Variants in SLC3A2 observed in about 807,000 individuals in gnomAD.
The protein encoded by SLC3A2 is solute carrier family 3 member 2.
Under a neutral mutation model 48.5 loss-of-function variants are expected in SLC3A2, and 32 were observed. That is an observed-to-expected ratio of 0.66 (90% CI 0.50 to 0.89). The LOEUF (loss-of-function observed/expected upper bound fraction) is 0.89. Among genes scored for constraint, SLC3A2 ranks in the 40% least tolerant of loss-of-function variants. SLC3A2 has a pLI of 0.00. For synonymous variants in SLC3A2, 277 were observed against 288.8 expected, an observed-to-expected ratio of 0.96 and a Z score of 0.41; for missense variants, 587 against 680.7, an observed-to-expected ratio of 0.86 and a Z score of 1.53.
upstream of SLC3A2, among the ~76,000 whole-genome samples, chr11:62,880,188 A>G (rs1417960225): frequency 6.6e-6 from 1 of 152,174 alleles, no homozygotes; most frequent in Non-Finnish European, 1.5e-5. Context: ...GTCTACCTCA[A>G]CCTTCCTGCC....
intron 3 of SLC3A2, chr11:62,883,830 A>G (rs2085672834): frequency 2.8e-6 from 1 of 361,394 alleles, no homozygotes; most frequent in African/African-American, 2.1e-5. Flanking sequence ...GAAAAGGAGA[A>G]TGGGGGTGAA....
At chr11:62,856,362 C>T (rs750330812) in exon 1 of SLC3A2, 15 of 1,612,164 alleles carry the variant, frequency 9.3e-6, no homozygotes, top group African/African-American at 1.3e-5. Flanking sequence ...TCCAGGGTCT[C>T]AGCGCGGGGG....
upstream of SLC3A2, among the ~76,000 whole-genome samples, chr11:62,879,515 T>G (rs1363211702): frequency 1.3e-5 from 2 of 152,238 alleles, no homozygotes; most frequent in African/African-American, 4.8e-5. Flanking sequence ...AGCACTGGTC[T>G]GAACCCACTT....
Position 62,867,421 on chromosome 11 carries a change from G to A in SLC3A2, c.112+11040G>A, listed in dbSNP as rs372067900. Among the ~76,000 whole-genome samples, 86 of 145,532 alleles carry A rather than the reference G, an allele frequency of 5.9e-4. 1 individual carries two copies. In the East Asian group the frequency reaches 0.016, roughly 28 times the overall value. On this transcript the variant is annotated intron_variant, in intron 1 of 9. Coordinates refer to the SLC3A2 transcript ENST00000377889. ...GCTCACTGCACTCTCCGCCTCCCGGGTTCAAGCTATTCTCCTGCTTCAGCC... is the reference window on the plus strand; with the variant it reads ...GCTCACTGCACTCTCCGCCTCCCGGATTCAAGCTATTCTCCTGCTTCAGCC...
At chr11:62,886,187 G>A (rs534179411) in intron 7 of SLC3A2, among the ~76,000 whole-genome samples, 9 of 152,114 alleles carry the variant, frequency 5.9e-5, no homozygotes, top group African/African-American at 9.7e-5. Flanking sequence ...CTACTGGGGA[G>A]GCTGAGGCAA....
At position 62,865,483 on chromosome 11, in the gene SLC3A2, G is replaced by A. The variant is rs140185324; in HGVS notation, c.112+9102G>A. Among the ~76,000 whole-genome samples the A allele has an allele frequency of 2.0e-5, 3 of 151,070 alleles. No homozygotes were observed. The East Asian group carries it at 5.9e-4, about 30-fold the overall frequency. On this transcript the variant is annotated intron_variant, in intron 1 of 9. Transcript: ENST00000377889. ...CAGGAGAGTCCCTTGAACCCTGGAG[G>A]TGGAGGATGTTGCAGTGAGCCTAGA...
chr11:62,876,882 G>A (rs116133114), upstream of SLC3A2: 2,327 of 1,037,170 alleles, frequency 2.2e-3, 37 homozygotes, highest in African/African-American at 0.038. Context: ...GATTACAGGT[G>A]AGCCACAGTG....
intron 1 of SLC3A2, among the ~76,000 whole-genome samples, chr11:62,869,023 C>T (rs1225742119): frequency 3.3e-5 from 5 of 151,848 alleles, no homozygotes; most frequent in East Asian, 2.0e-4. Context: ...CTCAGCCTCC[C>T]GAATAGCTGG....
chr11:62,866,746 T>A (rs575578152), intron 1 of SLC3A2, among the ~76,000 whole-genome samples: 78 of 152,276 alleles, frequency 5.1e-4, no homozygotes, highest in African/African-American at 1.9e-3. Context: ...TCCTCTAACA[T>A]CTCATCAGTT....
chr11:62,881,509 C>A lies in SLC3A2; in HGVS notation c.424+62C>A. The A allele has an allele frequency of 6.7e-7, 1 of 1,494,426 alleles. No individual in the cohort carries two copies. The highest frequency in any genetic ancestry group is 8.9e-7 in the Non-Finnish European group (1 of 1,125,298). 92.6% of individuals were successfully genotyped at this position (1,494,426 alleles called of 1,614,324 possible). The stretch of plus-strand genomic sequence containing the variant: ...TTGAATCTGGTGGCTTGCACCGACC[C>A]CCTCCCCTGTCCCCAGACGGATCTA... On this transcript the variant is annotated intron_variant, in intron 1 of 8. Transcript: ENST00000338663. This position sits in a 1 kb window ranked among gnomAD's most constrained non-coding sequence, Gnocchi z 4.0.
At chr11:62,861,789 C>T (rs2085400753) in intron 1 of SLC3A2, among the ~76,000 whole-genome samples, 1 of 151,476 alleles carries the variant, frequency 6.6e-6, no homozygotes, top group South Asian at 2.1e-4. Flanking sequence ...GTGGCATATG[C>T]CTGTAATTCG....
intron 7 of SLC3A2, among the ~76,000 whole-genome samples, chr11:62,887,621 T>G (rs2085731311): frequency 6.6e-6 from 1 of 150,618 alleles, no homozygotes; most frequent in Non-Finnish European, 1.5e-5. Context: ...GAGAATCGCT[T>G]GAACCCAGGA....
At chr11:62,866,953 A>T (rs1238838994) in intron 1 of SLC3A2, among the ~76,000 whole-genome samples, 1 of 151,804 alleles carries the variant, frequency 6.6e-6, no homozygotes. Context: ...TCTGGAAAAA[A>T]CTTTAAGGTG....
At chr11:62,872,845 G>A (rs978773320) in intron 1 of SLC3A2, among the ~76,000 whole-genome samples, 109 of 152,140 alleles carry the variant, frequency 7.2e-4, no homozygotes, top group African/African-American at 2.5e-3. Flanking sequence ...CAGGTGATCC[G>A]CCCGCCTTGG....
At chr11:62,883,555 A>C (rs1565254779) in intron 3 of SLC3A2, 1 of 187,378 alleles carries the variant, frequency 5.3e-6, no homozygotes, top group Non-Finnish European at 1.1e-5. Flanking sequence ...TCTGGGTCCT[A>C]GGACACTGAC....
intron 1 of SLC3A2, chr11:62,871,460 G>A (rs1590625068): frequency 5.5e-6 from 2 of 360,712 alleles, no homozygotes; most frequent in African/African-American, 2.2e-5. Context: ...GCCTGGTCTC[G>A]AACTCCTGAT....
At position 62,888,513 on chromosome 11, in the gene SLC3A2, T is replaced by C. The variant is rs1193081734; in HGVS notation, c.1410T>C (p.Asp470=). 6.2e-6 allele frequency: 10 copies of C among 1,614,234 alleles called. No individual in the cohort carries two copies. The highest frequency in any genetic ancestry group is 8.5e-6 in the Non-Finnish European group (10 of 1,180,048). The change falls in exon 9 of 9, where the codon GAT becomes GAC. Residue 470 remains aspartate (D), a synonymous_variant. Coordinates refer to ENST00000338663, the MANE Select transcript of SLC3A2 (RefSeq NM_001013251.3). ...TTCTGGTAGTGCTTAACTTTGGGGATGTGGGCCTCTCGGCTGGACTGCAGG... is the reference window on the plus strand; with the variant it reads ...TTCTGGTAGTGCTTAACTTTGGGGACGTGGGCCTCTCGGCTGGACTGCAGG... ...ERFLVVLNFG[D]VGLSAGLQAS... is the part of the protein sequence containing the mutation.
chr11:62,870,442 C>T (rs1235936143), intron 1 of SLC3A2, among the ~76,000 whole-genome samples: 4 of 151,604 alleles, frequency 2.6e-5, no homozygotes, highest in African/African-American at 9.7e-5. Flanking sequence ...CCTTGGCTTC[C>T]CAAAGTACTG....
At chr11:62,860,813 C>T (rs908146799) in intron 1 of SLC3A2, among the ~76,000 whole-genome samples, 4 of 152,184 alleles carry the variant, frequency 2.6e-5, no homozygotes, top group African/African-American at 7.2e-5. Context: ...CCTGGGTACT[C>T]GAGACTGGAG....
Sources: gnomAD v4.1 joint callset for allele counts (sites outside exome capture counted in the v4.1 genomes callset) on GRCh38, gnomAD v4.1.1 for gene constraint, Gnocchi (gnomAD v3.1) non-coding constraint, MANE v1.5 for transcripts, NCBI Gene and HGNC (gene_info 2026-07-23, HGNC 2026-07-21) for gene names.